The following GSE1 variants were observed in gnomAD, a reference collection of about 807,000 sequenced individuals.
GSE1 encodes Gse1 coiled-coil protein, also known as genetic suppressor element 1.
Under a neutral mutation model 112.6 loss-of-function variants are expected in GSE1, and 32 were observed. That is an observed-to-expected ratio of 0.28 (90% CI 0.21 to 0.38). GSE1 has a LOEUF of 0.38. Ranked by LOEUF, GSE1 falls within the 10% of genes least tolerant of loss-of-function variation. The probability of loss-of-function intolerance (pLI) is 1.00; values close to 1 mark genes in which losing one functional copy is unlikely to be tolerated. For missense variants in GSE1, 2,348 were observed against 1,699.2 expected (o/e 1.38, Z -6.71); for synonymous variants, 1,115 against 735.6 (o/e 1.52, Z -8.35).
At chr16:85,175,323 C>T (rs186390388) in intron 1 of GSE1, among the ~76,000 whole-genome samples, 88 of 152,292 alleles carry the variant, frequency 5.8e-4, no homozygotes, top group African/African-American at 2.0e-3. Context: ...CTCTTCTGGG[C>T]TGGGCACCCC....
chr16:85,397,194 C>T (rs1017988355), intron 2 of GSE1, among the ~76,000 whole-genome samples: 2 of 152,254 alleles, frequency 1.3e-5, no homozygotes, highest in African/African-American at 2.4e-5. Context: ...CAGATGCCTC[C>T]TCTCAGCCCC....
In GSE1 at chr16:85,675,119, T is replaced by G. The variant is rs2053612569; in HGVS notation, c.*2580T>G. ...CAAAGAACACAGTAGCACCTAAATC[T>G]GTTTTCAATTGGGCTTAAAAATTGA... On this transcript the variant is annotated 3_prime_UTR_variant, in exon 16 of 16. Coordinates refer to ENST00000253458, the MANE Select transcript of GSE1 (RefSeq NM_014615.5). The G allele has an allele frequency of 6.6e-6, 1 of 152,124 alleles. No individual in the cohort carries two copies. Among genetic ancestry groups the G allele is most frequent in the African/African-American group, 2.4e-5 (1 of 41,404 alleles). The allele number at this position is 152,124 out of a possible 1,614,324, so 9.4% of individuals were successfully genotyped here.
intron 1 of GSE1, among the ~76,000 whole-genome samples, chr16:85,290,204 C>T (rs1363165812): frequency 1.3e-5 from 2 of 152,214 alleles, no homozygotes; most frequent in Admixed American, 6.5e-5. Context: ...CTGAGGGCAG[C>T]CTTCCTGCCC....
At chr16:85,658,865 C>G (rs2052193731) in intron 8 of GSE1, among the ~76,000 whole-genome samples, 1 of 152,356 alleles carries the variant, frequency 6.6e-6, no homozygotes, top group African/African-American at 2.4e-5. Context: ...CACCCATGGA[C>G]TGCTTCCAGC....
chr16:85,429,228 G>A (rs758769383), intron 2 of GSE1, among the ~76,000 whole-genome samples: 1 of 152,182 alleles, frequency 6.6e-6, no homozygotes. Context: ...ACCTGTGTCC[G>A]GAGCACCCCC....
intron 2 of GSE1, among the ~76,000 whole-genome samples, chr16:85,413,591 G>C (rs1446072047): frequency 1.3e-5 from 2 of 152,068 alleles, no homozygotes; most frequent in East Asian, 3.9e-4. Flanking sequence ...TTCGCAAATG[G>C]ACATAGTTAC....
chr16:85,661,894 G>A (rs2052466063), intron 9 of GSE1, 129 bp downstream of exon 9: 1 of 913,214 alleles, frequency 1.1e-6, no homozygotes, highest in East Asian at 2.7e-5. Context: ...CAGGCCCCAG[G>A]TGGCAAGTGC....
At chr16:85,243,864 C>T (rs1486934070) in intron 1 of GSE1, among the ~76,000 whole-genome samples, 3 of 152,170 alleles carry the variant, frequency 2.0e-5, no homozygotes, top group East Asian at 1.9e-4. Flanking sequence ...CGGTGGCTCA[C>T]GCCTGTAATC....
chr16:85,207,982 A>AGG (rs763625068), intron 1 of GSE1: 1 of 150,826 alleles, frequency 6.6e-6, no homozygotes, highest in Non-Finnish European at 1.5e-5. Context: ...GTGACCTCAC[A>AGG]GGAGGGTGTC....
chr16:85,549,430 G>A (rs976600730), intron 2 of GSE1, among the ~76,000 whole-genome samples: 2 of 152,066 alleles, frequency 1.3e-5, no homozygotes, highest in Admixed American at 6.6e-5. Flanking sequence ...CTTCCACCTC[G>A]GCCTCCCAAA....
chr16:85,300,589 G>A (rs1340255813), intron 1 of GSE1, among the ~76,000 whole-genome samples: 1 of 152,234 alleles, frequency 6.6e-6, no homozygotes, highest in Non-Finnish European at 1.5e-5. Flanking sequence ...AGCGTCGTCA[G>A]GGTCTACTGC....
chr16:85,336,892 G>A (rs2046499833), intron 1 of GSE1, among the ~76,000 whole-genome samples: 1 of 152,192 alleles, frequency 6.6e-6, no homozygotes, highest in Non-Finnish European at 1.5e-5. Flanking sequence ...GCTCACACAG[G>A]CACACACGTT....
intron 1 of GSE1, among the ~76,000 whole-genome samples, chr16:85,619,203 C>A (rs958027808): frequency 2.0e-5 from 3 of 152,220 alleles, no homozygotes; most frequent in African/African-American, 7.2e-5. Flanking sequence ...TGGTGATTGG[C>A]ACTCTGGGCC....
chr16:85,669,162 C>T (rs1232299027), intron 14 of GSE1, among the ~76,000 whole-genome samples: 2 of 152,266 alleles, frequency 1.3e-5, no homozygotes, highest in African/African-American at 2.4e-5. Flanking sequence ...ATTGCACAGG[C>T]CCCTTTGGGG....
rs968872471 is a variant in GSE1 at position 85,662,995 on chromosome 16, C to T, written c.2275C>T (p.Leu759Phe). 9.3e-6 allele frequency: 15 copies of T among 1,609,816 alleles called. No individual in the cohort carries two copies. The highest frequency in any genetic ancestry group is 8.9e-5 in the East Asian group (4 of 44,876). Residue 759 changes from leucine to phenylalanine, a missense_variant, in exon 10 of 16, where the codon CTC becomes TTC. Transcript: ENST00000253458. ...TTCTCCATCAGGGTACTACTACGAC[C>T]TCGATGACTCTTACGACGAGAGCGA... ...EAQEKGYYYD[L>F]DDSYDESDEE...
chr16:85,478,927 C>CTTTCTTTTCTTTCTTTCTTTCTT (rs1285190496), intron 2 of GSE1, among the ~76,000 whole-genome samples: 1 of 28,046 alleles, frequency 3.6e-5, no homozygotes, highest in African/African-American at 1.5e-4. Flanking sequence ...TTCTTTCTTT[C>CTTTCTTTTCTTTCTTTCTTTCTT]TCTTTCTTTC....
chr16:85,644,159 C>T (rs930659175), intron 2 of GSE1, among the ~76,000 whole-genome samples: 4 of 151,986 alleles, frequency 2.6e-5, no homozygotes, highest in African/African-American at 9.7e-5. Context: ...GAGACCCTGT[C>T]TCTACCAAAA....
Position 85,419,632 on chromosome 16 carries a change from CA to C in GSE1, c.2464+61995del, listed in dbSNP as rs1241505132. The stretch of plus-strand genomic sequence containing the variant: ...AAAAAAAAAAACAAAAAACAAAAAA[CA>C]AAAAATAACATTATGCCAGAACATG... On this transcript the variant is annotated intron_variant, in intron 2 of 2. Transcript: ENST00000637419. The surrounding 1 kb of genome is among the most constrained non-coding windows in gnomAD (Gnocchi z 6.5). 6.6e-6 allele frequency among the ~76,000 whole-genome samples: 1 copy of C among 151,576 alleles called. No individual in the cohort carries two copies. The highest frequency in any genetic ancestry group is 1.5e-5 in the Non-Finnish European group (1 of 67,888).
At chr16:85,563,045 A>G (rs1466910146) in intron 1 of GSE1, among the ~76,000 whole-genome samples, 1 of 152,110 alleles carries the variant, frequency 6.6e-6, no homozygotes, top group Non-Finnish European at 1.5e-5. Context: ...CCTGTCTGGG[A>G]TTGTCCCCTT....
Sources: allele counts gnomAD v4.1 joint callset (sites outside exome capture counted in the v4.1 genomes callset), GRCh38; gene constraint gnomAD v4.1.1; non-coding constraint Gnocchi (gnomAD v3.1); transcripts MANE v1.5; gene names NCBI Gene and HGNC (gene_info 2026-07-23, HGNC 2026-07-21).